RASL12: variants seen among roughly 807,000 people sequenced by gnomAD.
The protein encoded by RASL12 is ras-like protein family member 12.
RASL12 carries 16 observed loss-of-function variants against 22.9 expected under a neutral mutation model. That is an observed-to-expected ratio of 0.70 (90% CI 0.47 to 1.06). The LOEUF is 1.06. Ranked by LOEUF, RASL12 falls within the 50% of genes least tolerant of loss-of-function variation. The probability of loss-of-function intolerance (pLI) is 0.00; values close to 1 mark genes in which losing one functional copy is unlikely to be tolerated. For synonymous variants in RASL12, 159 were observed against 152.2 expected (o/e 1.04, Z -0.33); for missense variants, 306 against 353.1 (o/e 0.87, Z 1.07).
At chr15:65,047,637 T>A in the RASL12 span, among the ~76,000 whole-genome samples, 1 of 152,208 alleles carries the variant, frequency 6.6e-6, no homozygotes, top group Admixed American at 6.5e-5. Context: ...CATCTGAGAC[T>A]GGATGGAATG....
At chr15:65,075,976 GT>G (rs1394485011) in intron 1 of RASL12, among the ~76,000 whole-genome samples, 1 of 152,232 alleles carries the variant, frequency 6.6e-6, no homozygotes. Flanking sequence ...AGCTGCTCTG[GT>G]GGGGCCTTGG....
upstream of RASL12, among the ~76,000 whole-genome samples, chr15:65,070,685 G>A (rs1308739100): frequency 1.3e-5 from 2 of 152,110 alleles, no homozygotes; most frequent in South Asian, 2.1e-4. Flanking sequence ...TTTTCCTGAC[G>A]GCAGGACCTA....
At chr15:65,051,271 A>G (rs1043443547), downstream of RASL12, among the ~76,000 whole-genome samples, 8 of 152,076 alleles carry the variant, frequency 5.3e-5, no homozygotes, top group African/African-American at 1.9e-4. Context: ...TTGCCCCACT[A>G]TTATTTAACT....
intron 3 of RASL12, 41 bp from the exon 4 acceptor site, chr15:65,058,658 G>C (rs1469296509): frequency 1.4e-6 from 2 of 1,448,102 alleles, no homozygotes; most frequent in Non-Finnish European, 1.8e-6. Flanking sequence ...GGCAGAGGAG[G>C]TTGGGGTAAA....
At chr15:65,048,468 T>A (rs2086605341), downstream of RASL12, among the ~76,000 whole-genome samples, 1 of 152,230 alleles carries the variant, frequency 6.6e-6, no homozygotes, top group Non-Finnish European at 1.5e-5. Context: ...CCTGGCTAAG[T>A]GTCCAAAGGC....
the RASL12 span, among the ~76,000 whole-genome samples, chr15:65,046,313 A>AGAAATATGTCGCTTGTTTC: frequency 6.6e-6 from 1 of 152,014 alleles, no homozygotes; most frequent in Non-Finnish European, 1.5e-5. Flanking sequence ...AAATAAATAA[A>AGAAATATGTCGCTTGTTTC]TACAAAATTA....
In RASL12 at chr15:65,054,502, G is replaced by A. The variant is rs570648482; in HGVS notation, c.*397C>T. 2.0e-5 allele frequency: 20 copies of A among 1,005,988 alleles called. No individual in the cohort carries two copies. The East Asian group carries it at 1.6e-3, about 81-fold the overall frequency. The allele number at this position is 1,005,988 out of a possible 1,614,324, so 62.3% of individuals were successfully genotyped here. ...GGCTGTCATTCCGCAGGCTGTTCTC[G>A]GGCCTGACATTGACAGAGCCATCCA... On this transcript the variant is annotated 3_prime_UTR_variant, in exon 5 of 5. Transcript: ENST00000220062.
At chr15:65,052,390 C>A (rs2086664246), downstream of RASL12, among the ~76,000 whole-genome samples, 2 of 142,810 alleles carry the variant, frequency 1.4e-5, no homozygotes, top group Admixed American at 7.2e-5. Flanking sequence ...TAGCTATGTG[C>A]ATCCTTGGCT....
intron 1 of RASL12, among the ~76,000 whole-genome samples, chr15:65,066,184 GA>G (rs2086877167): frequency 6.8e-6 from 1 of 148,060 alleles, no homozygotes; most frequent in South Asian, 2.2e-4. Context: ...GGGAGGGAGG[GA>G]AAAGAGAAAG....
upstream of RASL12, among the ~76,000 whole-genome samples, chr15:65,071,779 C>T (rs2086933806): frequency 6.6e-6 from 1 of 152,042 alleles, no homozygotes; most frequent in South Asian, 2.1e-4. Flanking sequence ...GAACTGTAGT[C>T]CCGGGACTAT....
chr15:65,063,816 C>T (rs2086842691), intron 2 of RASL12, among the ~76,000 whole-genome samples: 1 of 152,230 alleles, frequency 6.6e-6, no homozygotes, highest in African/African-American at 2.4e-5. Context: ...TGGACTCCAG[C>T]CTGAACTAAG....
chr15:65,055,042 T>C lies in RASL12; in HGVS notation c.658A>G (p.Thr220Ala), dbSNP rs751202459. ...TTGATGGTGGAGAGCGTGTTGAAGG[T>C]GCAGCTGGCCAGCCCATGCCGCGCG... Reference protein sequence around the residue: ...LTARHGLASCTFNTLSTINLK... With the variant: ...LTARHGLASCAFNTLSTINLK... The change falls in exon 5 of 5, where the codon ACC becomes GCC. Residue 220 changes from threonine (T) to alanine (A), a missense_variant. Thr to Ala is a moderately conservative substitution (Grantham distance 58). Coordinates refer to ENST00000220062, the MANE Select transcript of RASL12 (RefSeq NM_016563.4). The C allele has an allele frequency of 2.5e-6, 4 of 1,613,714 alleles. No individual in the cohort carries two copies. The highest frequency in any genetic ancestry group is 3.4e-6 in the Non-Finnish European group (4 of 1,179,880).
chr15:65,052,339 G>A (rs1032043567), downstream of RASL12, among the ~76,000 whole-genome samples: 87 of 148,442 alleles, frequency 5.9e-4, no homozygotes, highest in Non-Finnish European at 1.1e-3. Flanking sequence ...TAGGTGAAAA[G>A]AACACAGGAT....
chr15:65,051,550 G>A (rs746910606), downstream of RASL12: 2 of 1,613,828 alleles, frequency 1.2e-6, no homozygotes, highest in Non-Finnish European at 1.7e-6. Context: ...TGCCCTGGCA[G>A]CTGTGGTGGT....
Position 65,054,648 on chromosome 15 carries a change from G to A in RASL12, c.*251C>T. 1 of 1,363,888 alleles carries A rather than the reference G, an allele frequency of 7.3e-7. No homozygotes were observed. The highest frequency in any genetic ancestry group is 1.9e-5 in the South Asian group (1 of 51,622). 84.5% of individuals were successfully genotyped at this position (1,363,888 alleles called of 1,614,324 possible). ...AAGGCTGACCCCAGGTCTCTGGGTT[G>A]TCACAGTGGCTGTTTCCCTCTACGG... On this transcript the variant is annotated 3_prime_UTR_variant, in exon 5 of 5. Transcript: ENST00000220062.
At position 65,074,487 on chromosome 15, in the gene RASL12, G is replaced by A. The variant is rs540022205; in HGVS notation, c.70+2042C>T. Among the ~76,000 whole-genome samples the A allele has an allele frequency of 3.9e-5, 6 of 151,906 alleles. No homozygotes were observed. In the South Asian group the frequency reaches 1.2e-3, roughly 32 times the overall value. On this transcript the variant is annotated intron_variant, in intron 1 of 4. Transcript: ENST00000434605. ...CGGCTCACTGCAACTTCAGCCTCCCGAGTTCAAGCTGTTCTCGTGCCTCAG... is the reference window on the plus strand; with the variant it reads ...CGGCTCACTGCAACTTCAGCCTCCCAAGTTCAAGCTGTTCTCGTGCCTCAG...
At chr15:65,050,171 G>A (rs760314337), downstream of RASL12, 16 of 1,266,704 alleles carry the variant, frequency 1.3e-5, no homozygotes, top group Non-Finnish European at 1.8e-5. Flanking sequence ...TTGGCTGAAG[G>A]TCCTGACACT....
In RASL12 at chr15:65,065,220, A is replaced by G. The variant is rs36045000; in HGVS notation, c.157T>C (p.Leu53=). 17,119 of 1,612,310 alleles carry G rather than the reference A, an allele frequency of 0.011. 106 individuals carry two copies. Among genetic ancestry groups the G allele is most frequent in the African/African-American group, 0.017 (1,239 of 75,022 alleles). ...GGTACGGGGAGTAGTTTCTTACCCA[A>G]GTTGGGGTCATATTCACTGATAAAC... The part of the protein sequence containing the change: ...KRFISEYDPN[L]EDTYSSEETV... The change falls in exon 2 of 5, where the codon TTG becomes CTG. Residue 53 remains leucine (L), a synonymous_variant. Transcript: ENST00000220062.
chr15:65,071,044 T>G (rs571416194), upstream of RASL12, among the ~76,000 whole-genome samples: 1 of 152,268 alleles, frequency 6.6e-6, no homozygotes, highest in Non-Finnish European at 1.5e-5. Context: ...TCTATGTGCA[T>G]AAGTGGCAAG....
Sources: gnomAD v4.1 joint callset for allele counts (sites outside exome capture counted in the v4.1 genomes callset) on GRCh38, gnomAD v4.1.1 for gene constraint, MANE v1.5 for transcripts, NCBI Gene and HGNC (gene_info 2026-07-23, HGNC 2026-07-21) for gene names.